Variants in VPS53 observed in about 807,000 individuals in gnomAD.
VPS53 encodes the protein VPS53 subunit of GARP complex, also known as vacuolar protein sorting-associated protein 53 homolog.
Under a neutral mutation model 107.0 loss-of-function variants are expected in VPS53, and 70 were observed. That is an observed-to-expected ratio of 0.65 (90% CI 0.54 to 0.80). The LOEUF (loss-of-function observed/expected upper bound fraction) is 0.80. Among genes scored for constraint, VPS53 ranks in the 30% least tolerant of loss-of-function variants. The probability of loss-of-function intolerance (pLI) is 0.00; values close to 1 mark genes in which losing one functional copy is unlikely to be tolerated. For missense variants in VPS53, 917 were observed against 1,049.4 expected (o/e 0.87, Z 1.74); for synonymous variants, 409 against 393.3 (o/e 1.04, Z -0.47).
chr17:669,631 T>C (rs1032269544), intron 4 of VPS53, among the ~76,000 whole-genome samples: 7 of 142,946 alleles, frequency 4.9e-5, no homozygotes, highest in Non-Finnish European at 9.2e-5. Flanking sequence ...CGATGGCTCA[T>C]GCCTGTAATC....
chr17:566,129 G>A (rs375898683), intron 13 of VPS53, among the ~76,000 whole-genome samples: 16 of 150,012 alleles, frequency 1.1e-4, no homozygotes, highest in African/African-American at 1.7e-4. Flanking sequence ...GCGTGAACCC[G>A]GGAGGCGGAG....
At chr17:690,174 T>C (rs139595061) in intron 4 of VPS53, among the ~76,000 whole-genome samples, 4 of 152,090 alleles carry the variant, frequency 2.6e-5, no homozygotes, top group African/African-American at 4.8e-5. Flanking sequence ...AGTGGGGAGG[T>C]CATCAAGGCT....
intron 4 of VPS53, among the ~76,000 whole-genome samples, chr17:668,636 C>T (rs144553066): frequency 6.6e-6 from 1 of 152,278 alleles, no homozygotes; most frequent in East Asian, 1.9e-4. Flanking sequence ...ACACAGCTCA[C>T]ATGGAATTCT....
At chr17:658,578 T>C (rs1971306744) in intron 5 of VPS53, among the ~76,000 whole-genome samples, 1 of 150,382 alleles carries the variant, frequency 6.6e-6, no homozygotes, top group Non-Finnish European at 1.5e-5. Context: ...CTTGGATAGA[T>C]ACATCGCACT....
intron 6 of VPS53, among the ~76,000 whole-genome samples, chr17:654,602 T>C (rs970952518): frequency 1.3e-5 from 2 of 151,090 alleles, no homozygotes; most frequent in Non-Finnish European, 3.0e-5. Context: ...CCGGGCTTAG[T>C]GGCGGGCGCC....
chr17:562,878 C>T (rs1350897707), intron 13 of VPS53, 133 bp from the exon 14 acceptor site: 48 of 999,862 alleles, frequency 4.8e-5, no homozygotes, highest in Non-Finnish European at 6.1e-5. Context: ...AAAATCGGAT[C>T]GATTTTAATC....
intron 7 of VPS53, among the ~76,000 whole-genome samples, chr17:639,167 C>T (rs1020530336): frequency 2.0e-5 from 3 of 152,154 alleles, no homozygotes; most frequent in Non-Finnish European, 2.9e-5. Context: ...TTCATTCATT[C>T]GATCTTCAAT....
chr17:610,200 C>T (rs571241202), intron 11 of VPS53, among the ~76,000 whole-genome samples: 1 of 150,360 alleles, frequency 6.7e-6, no homozygotes, highest in Non-Finnish European at 1.5e-5. Context: ...CAAAAATATT[C>T]ATATAGCCCT....
At chr17:525,971 T>C (rs1909100941) in intron 19 of VPS53, among the ~76,000 whole-genome samples, 1 of 118,528 alleles carries the variant, frequency 8.4e-6, no homozygotes, top group Admixed American at 1.2e-4. Context: ...TACTCCAGAC[T>C]GGGCAACACG....
At chr17:672,570 A>C (rs1972007796) in intron 4 of VPS53, among the ~76,000 whole-genome samples, 1 of 152,220 alleles carries the variant, frequency 6.6e-6, no homozygotes, top group Non-Finnish European at 1.5e-5. Context: ...CAGTATCTGC[A>C]GGCAGACTCA....
intron 5 of VPS53, among the ~76,000 whole-genome samples, chr17:661,212 T>A (rs1971421473): frequency 6.6e-6 from 1 of 151,770 alleles, no homozygotes; most frequent in Non-Finnish European, 1.5e-5. Flanking sequence ...AGGAAACTAT[T>A]TTCAGAAAGG....
intron 12 of VPS53, among the ~76,000 whole-genome samples, chr17:587,496 A>C (rs1207266062): frequency 3.9e-5 from 6 of 152,192 alleles, no homozygotes. Context: ...AGGCAGGCAG[A>C]CTATATTGTC....
At chr17:552,015 C>T in intron 16 of VPS53, 65 bp from the exon 17 acceptor site, 1 of 1,422,244 alleles carries the variant, frequency 7.0e-7, no homozygotes, top group Non-Finnish European at 9.5e-7. Context: ...GACTGACACT[C>T]AGGCCCCTGT....
intron 7 of VPS53, among the ~76,000 whole-genome samples, chr17:635,343 G>C (rs1970150491): frequency 6.6e-6 from 1 of 152,138 alleles, no homozygotes; most frequent in African/African-American, 2.4e-5. Context: ...CCATTCTGTA[G>C]GTTGCCTGTT....
chr17:712,368 A>G (rs1973677523), intron 1 of VPS53, among the ~76,000 whole-genome samples: 1 of 150,154 alleles, frequency 6.7e-6, no homozygotes, highest in Non-Finnish European at 1.5e-5. Flanking sequence ...TTTAGGAGAG[A>G]CGGGGTTTCA....
At chr17:564,708 C>T (rs1227803137) in intron 13 of VPS53, among the ~76,000 whole-genome samples, 1 of 149,996 alleles carries the variant, frequency 6.7e-6, no homozygotes, top group African/African-American at 2.4e-5. Context: ...CAGAGCAAGA[C>T]TTGATATCTG....
intron 13 of VPS53, among the ~76,000 whole-genome samples, chr17:571,116 C>T (rs1913998058): frequency 6.6e-6 from 1 of 151,794 alleles, no homozygotes; most frequent in Non-Finnish European, 1.5e-5. Flanking sequence ...AGTTTGAGAC[C>T]AGCCCGAGCA....
intron 11 of VPS53, among the ~76,000 whole-genome samples, chr17:621,255 G>A (rs557690217): frequency 6.6e-5 from 10 of 152,090 alleles, no homozygotes; most frequent in African/African-American, 2.2e-4. Flanking sequence ...TGCTGCGTCC[G>A]GCCCCCGTTC....
chr17:616,625 G>C (rs78191000), intron 11 of VPS53: 2,376 of 152,444 alleles, frequency 0.016, 24 homozygotes, highest in Middle Eastern at 0.031. Flanking sequence ...GTGCTGCCCT[G>C]AGAAACCAGT....
Sources: gnomAD v4.1 joint callset for allele counts (sites outside exome capture counted in the v4.1 genomes callset) on GRCh38, gnomAD v4.1.1 for gene constraint, MANE v1.5 for transcripts, NCBI Gene and HGNC (gene_info 2026-07-23, HGNC 2026-07-21) for gene names.